Variants in GNAQ observed in about 807,000 individuals in gnomAD.
The protein encoded by GNAQ is guanine nucleotide-binding protein G(q) subunit alpha.
In GNAQ, 8 loss-of-function variants were observed where a neutral mutation model predicts 43.9. The ratio of observed to expected loss-of-function variants is 0.18; its 90% CI spans 0.11 to 0.33. The LOEUF (loss-of-function observed/expected upper bound fraction) is 0.33. Ranked by LOEUF, GNAQ falls within the 10% of genes least tolerant of loss-of-function variation. GNAQ has a pLI of 1.00. For missense variants in GNAQ, 158 were observed against 450.8 expected, an observed-to-expected ratio of 0.35 and a Z score of 5.88; for synonymous variants, 155 against 170.7, an observed-to-expected ratio of 0.91 and a Z score of 0.71.
chr9:77,826,140 T>A (rs1446753232), intron 2 of GNAQ, among the ~76,000 whole-genome samples: 1 of 152,158 alleles, frequency 6.6e-6, no homozygotes, highest in Non-Finnish European at 1.5e-5. Context: ...TCAAGAATAA[T>A]GAGAGAGTAC....
chr9:77,850,306 C>G (rs567910316), intron 2 of GNAQ, among the ~76,000 whole-genome samples: 2 of 152,290 alleles, frequency 1.3e-5, no homozygotes, highest in Admixed American at 1.3e-4. Flanking sequence ...CTCCTGGTCT[C>G]CTGCATCCAC....
At chr9:78,029,607 A>C (rs1007764025) in intron 1 of GNAQ, among the ~76,000 whole-genome samples, 3 of 152,352 alleles carry the variant, frequency 2.0e-5, no homozygotes, top group Admixed American at 6.5e-5. Flanking sequence ...TGAGTTTCAA[A>C]ATGAAGACAT....
chr9:77,775,088 C>A (rs1228258433), intron 5 of GNAQ, among the ~76,000 whole-genome samples: 1 of 152,058 alleles, frequency 6.6e-6, no homozygotes, highest in Non-Finnish European at 1.5e-5. Flanking sequence ...GACTTTCTGT[C>A]CAATATTAAT....
rs566123053 is a variant in GNAQ at position 77,845,118 on chromosome 9, C to T, written c.322-29348G>A. On this transcript the variant is annotated intron_variant, in intron 2 of 6. Coordinates refer to ENST00000286548, the MANE Select transcript of GNAQ (RefSeq NM_002072.5). ...TTTAAAGCATTTCAATACTGTAACTCGTTGGAAATATAACTCAAAGAACTG... is the reference window on the plus strand; with the variant it reads ...TTTAAAGCATTTCAATACTGTAACTTGTTGGAAATATAACTCAAAGAACTG... Among the ~76,000 whole-genome samples the T allele has an allele frequency of 4.6e-4, 70 of 152,152 alleles. No individual in the cohort carries two copies. In the South Asian group the frequency reaches 5.8e-3, roughly 13 times the overall value.
At chr9:77,894,392 A>AAT (rs1666649668) in intron 2 of GNAQ, among the ~76,000 whole-genome samples, 1 of 73,740 alleles carries the variant, frequency 1.4e-5, no homozygotes, top group Admixed American at 2.0e-4. Context: ...ATAGAAAAAA[A>AAT]ATATATATTT....
At chr9:77,932,587 G>A (rs1436156610) in intron 1 of GNAQ, among the ~76,000 whole-genome samples, 1 of 152,166 alleles carries the variant, frequency 6.6e-6, no homozygotes. Flanking sequence ...GGAGGCTGAG[G>A]TGGGAACATA....
intron 5 of GNAQ, among the ~76,000 whole-genome samples, chr9:77,752,560 T>G (rs1228427668): frequency 6.6e-6 from 1 of 152,186 alleles, no homozygotes; most frequent in African/African-American, 2.4e-5. Flanking sequence ...AGTAACTTGC[T>G]CCCAAACCCA....
intron 1 of GNAQ, among the ~76,000 whole-genome samples, chr9:77,984,103 G>A (rs1275016200): frequency 6.9e-6 from 1 of 144,400 alleles, no homozygotes; most frequent in Non-Finnish European, 1.5e-5. Flanking sequence ...GGTCATCTAG[G>A]CAGGTAGGGC....
intron 1 of GNAQ, among the ~76,000 whole-genome samples, chr9:77,984,240 G>A (rs1823406084): frequency 6.6e-6 from 1 of 151,124 alleles, no homozygotes; most frequent in South Asian, 2.1e-4. Context: ...CATGATCTCG[G>A]CTCACTGCAG....
In GNAQ at chr9:77,797,626, C is replaced by T. The variant is rs1402276757; in HGVS notation, c.499G>A (p.Val167Ile). 42 of 1,613,254 alleles carry T rather than the reference C, an allele frequency of 2.6e-5. No homozygotes were observed. Among genetic ancestry groups the T allele is most frequent in the Middle Eastern group, 1.6e-4 (1 of 6,082 alleles). ...GTAGGCAGGTAGGCAGGGTCAGCTA[C>T]GCGGTCCAAGTCATTAAGATAGCTA... ...TKYYLNDLDRVADPAYLPTQQ... is the reference protein window; with the variant it reads ...TKYYLNDLDRIADPAYLPTQQ... Residue 167 changes from valine to isoleucine, a missense_variant, in exon 4 of 7, where the codon GTA becomes ATA. Physicochemically the swap from Val to Ile is conservative, Grantham distance 29. This residue lies in a region of GNAQ where 14 missense variants were observed against 16.3 expected (regional missense o/e 0.86). Coordinates refer to ENST00000286548, the MANE Select transcript of GNAQ (RefSeq NM_002072.5).
intron 2 of GNAQ, among the ~76,000 whole-genome samples, chr9:77,908,726 GTA>G (rs1828752260): frequency 6.6e-6 from 1 of 152,146 alleles, no homozygotes; most frequent in African/African-American, 2.4e-5. Context: ...TCTCCAAAAG[GTA>G]GCCTACTGGT....
At chr9:77,779,686 A>C (rs1006467282) in intron 5 of GNAQ, among the ~76,000 whole-genome samples, 32 of 141,862 alleles carry the variant, frequency 2.3e-4, no homozygotes, top group African/African-American at 7.1e-4. Context: ...AAAACAAAAA[A>C]AAAAAAAAAA....
At chr9:77,870,805 G>A (rs1462708741) in intron 2 of GNAQ, among the ~76,000 whole-genome samples, 2 of 151,816 alleles carry the variant, frequency 1.3e-5, no homozygotes, top group African/African-American at 4.8e-5. Context: ...AAAATAAACT[G>A]GTACAAGCAC....
chr9:77,778,961 C>T (rs1047865159), intron 5 of GNAQ, among the ~76,000 whole-genome samples: 1 of 151,838 alleles, frequency 6.6e-6, no homozygotes, highest in African/African-American at 2.4e-5. Context: ...CAGATAAACC[C>T]GCTATTACAG....
chr9:77,747,243 T>C (rs1374892393), intron 5 of GNAQ, among the ~76,000 whole-genome samples: 1 of 152,140 alleles, frequency 6.6e-6, no homozygotes, highest in Non-Finnish European at 1.5e-5. Flanking sequence ...ATTTATTTTA[T>C]ATTTTAAATG....
intron 5 of GNAQ, among the ~76,000 whole-genome samples, chr9:77,761,376 C>T (rs1331663063): frequency 2.1e-5 from 3 of 140,784 alleles, no homozygotes; most frequent in Admixed American, 6.8e-5. Flanking sequence ...TGAGGGGCGC[C>T]TCTGCCCGGC....
intron 3 of GNAQ, among the ~76,000 whole-genome samples, chr9:77,806,439 AT>A (rs1292208529): frequency 2.0e-5 from 3 of 152,220 alleles, no homozygotes; most frequent in African/African-American, 7.2e-5. Context: ...CTGGCACAAT[AT>A]ATGTTAAAAT....
At chr9:77,755,403 T>C (rs1235853757) in intron 5 of GNAQ, among the ~76,000 whole-genome samples, 1 of 152,192 alleles carries the variant, frequency 6.6e-6, no homozygotes, top group Non-Finnish European at 1.5e-5. Flanking sequence ...ATGCTTGAGG[T>C]GGATATCCCA....
intron 1 of GNAQ, among the ~76,000 whole-genome samples, chr9:77,987,577 T>C (rs368622579): frequency 1.3e-5 from 2 of 152,146 alleles, no homozygotes; most frequent in Non-Finnish European, 2.9e-5. Flanking sequence ...AGAGTTCTAA[T>C]CTATACATGA....
Sources: allele counts gnomAD v4.1 joint callset (sites outside exome capture counted in the v4.1 genomes callset), GRCh38; gene constraint gnomAD v4.1.1; regional missense constraint gnomAD v4.1.1; transcripts MANE v1.5; gene names NCBI Gene and HGNC (gene_info 2026-07-23, HGNC 2026-07-21).